The following FAM216A variants were observed in gnomAD, a reference collection of about 807,000 sequenced individuals.
FAM216A encodes protein FAM216A.
A neutral mutation model predicts 37.6 loss-of-function variants in FAM216A; 26 were observed. The ratio of observed to expected loss-of-function variants is 0.69; its 90% CI spans 0.51 to 0.96. The LOEUF is 0.96. Ranked by LOEUF, FAM216A falls within the 40% of genes least tolerant of loss-of-function variation. The probability of loss-of-function intolerance (pLI) is 0.00; values close to 1 mark genes in which losing one functional copy is unlikely to be tolerated. For missense variants in FAM216A, 326 were observed against 339.3 expected (o/e 0.96, Z 0.31); for synonymous variants, 110 against 121.7 (o/e 0.90, Z 0.64).
chr12:110,472,534 G>A (rs187514469), intron 1 of FAM216A, among the ~76,000 whole-genome samples: 12 of 152,118 alleles, frequency 7.9e-5, no homozygotes, highest in African/African-American at 2.9e-4. Flanking sequence ...ACTCTAGCCT[G>A]GGTGAAGGAG....
At chr12:110,484,884 TAG>T (rs1277226077) in intron 2 of FAM216A, among the ~76,000 whole-genome samples, 192 bp from the exon 3 acceptor site, 1 of 152,074 alleles carries the variant, frequency 6.6e-6, no homozygotes, top group East Asian at 1.9e-4. Flanking sequence ...GTATTTTTAG[TAG>T]AGACAGGGTT....
chr12:110,476,248 G>A (rs2062713850), intron 2 of FAM216A, among the ~76,000 whole-genome samples: 1 of 149,544 alleles, frequency 6.7e-6, no homozygotes, highest in Non-Finnish European at 1.5e-5. Context: ...CACCCAGGCT[G>A]GAGTCCAGTG....
At chr12:110,485,542 C>T (rs898488135) in intron 3 of FAM216A, among the ~76,000 whole-genome samples, 2 of 151,206 alleles carry the variant, frequency 1.3e-5, no homozygotes, top group Admixed American at 6.6e-5. Flanking sequence ...TCAAGGACTA[C>T]AAAATTAAGA....
At chr12:110,488,489 C>T (rs1248729364) in intron 6 of FAM216A, among the ~76,000 whole-genome samples, 1 of 151,462 alleles carries the variant, frequency 6.6e-6, no homozygotes, top group Non-Finnish European at 1.5e-5. Flanking sequence ...ATTTCTAATG[C>T]TAAAGATACT....
chr12:110,482,562 G>GC (rs2062753273), intron 2 of FAM216A, among the ~76,000 whole-genome samples: 1 of 151,128 alleles, frequency 6.6e-6, no homozygotes, highest in South Asian at 2.1e-4. Flanking sequence ...TTGGGAGGCT[G>GC]AGGCGGTCAG....
chr12:110,476,776 C>T (rs1236826494), intron 2 of FAM216A, among the ~76,000 whole-genome samples: 1 of 152,040 alleles, frequency 6.6e-6, no homozygotes, highest in Non-Finnish European at 1.5e-5. Context: ...ATTTGCCCAC[C>T]TCGGCCTCCC....
chr12:110,487,908 T>C lies in FAM216A; in HGVS notation c.668T>C (p.Ile223Thr), dbSNP rs2062785897. 1 of 1,606,832 alleles carries C rather than the reference T, an allele frequency of 6.2e-7. No homozygotes were observed. Among genetic ancestry groups the C allele is most frequent in the Non-Finnish European group, 8.5e-7 (1 of 1,175,364 alleles). Residue 223 changes from isoleucine to threonine, a missense_variant, in exon 6 of 7, where the codon ATT becomes ACT. Coordinates refer to ENST00000377673, the MANE Select transcript of FAM216A (RefSeq NM_013300.3). ...AAAACAAGATGTAAGTCACTGAAGA[T>C]TTTTAGAAGACCAAGGAAACTGTTC... is the stretch of plus-strand genomic sequence containing the variant. ...ASKTRCKSLKIFRRPRKLFMQ... is the reference protein window; with the variant it reads ...ASKTRCKSLKTFRRPRKLFMQ...
At chr12:110,478,335 A>C (rs1236469554) in intron 2 of FAM216A, among the ~76,000 whole-genome samples, 1 of 152,184 alleles carries the variant, frequency 6.6e-6, no homozygotes, top group Non-Finnish European at 1.5e-5. Flanking sequence ...TTCTCCAAAG[A>C]GCCTGTGGTA....
Position 110,469,495 on chromosome 12 carries a change from C to CT in FAM216A, c.143+486dup, listed in dbSNP as rs1257714589. On this transcript the variant is annotated intron_variant, in intron 1 of 6. Transcript: ENST00000377673. ...TCCTGTCAAACGGGGATTTCTTTTT[C>CT]TTTTTTTTTCTTTTCTTTCTTGTTT... Among the ~76,000 whole-genome samples, 12 of 151,578 alleles carry CT rather than the reference C, an allele frequency of 7.9e-5. No homozygotes were observed. In the South Asian group the frequency reaches 8.4e-4, roughly 11 times the overall value.
At chr12:110,473,037 T>C (rs2062695532) in intron 1 of FAM216A, 41 bp from the exon 2 acceptor site, 1 of 1,013,820 alleles carries the variant, frequency 9.9e-7, no homozygotes, top group South Asian at 1.5e-5. Flanking sequence ...TGTAACATTG[T>C]AATTATTACA....
At chr12:110,486,763 T>G (rs750396471) in intron 5 of FAM216A, 46 bp downstream of exon 5, 1 of 1,541,078 alleles carries the variant, frequency 6.5e-7, no homozygotes, top group Admixed American at 2.0e-5. Context: ...TCAGTTTAAT[T>G]TTTTTTTTTC....
chr12:110,482,688 G>A (rs1047627187), intron 2 of FAM216A, among the ~76,000 whole-genome samples: 10 of 151,310 alleles, frequency 6.6e-5, no homozygotes, highest in Non-Finnish European at 1.0e-4. Flanking sequence ...CCAGCTACTC[G>A]GGAGGCTGAG....
In FAM216A at chr12:110,487,889, A is replaced by G; in HGVS notation, c.649A>G (p.Arg217Gly). ...AAAAACTGGATATGCATCTAAAACA[A>G]GATGTAAGTCACTGAAGATTTTTAG... ...GIKTGYASKT[R>G]CKSLKIFRRP... is the part of the protein sequence containing the mutation. Residue 217 changes from arginine (R) to glycine (G), a missense_variant, in exon 6 of 7, where the codon AGA becomes GGA. By Grantham distance (125) the Arg-to-Gly change is moderately radical. Coordinates refer to ENST00000377673, the MANE Select transcript of FAM216A (RefSeq NM_013300.3). 1 of 1,607,296 alleles carries G rather than the reference A, an allele frequency of 6.2e-7. No individual in the cohort carries two copies. The highest frequency in any genetic ancestry group is 1.1e-5 in the South Asian group (1 of 90,452).
At chr12:110,487,788 G>T (rs1345266636) in intron 5 of FAM216A, 73 bp from the exon 6 acceptor site, 7 of 872,200 alleles carry the variant, frequency 8.0e-6, no homozygotes. Context: ...AAACAAATTT[G>T]TGTGGTCTTC....
intron 2 of FAM216A, among the ~76,000 whole-genome samples, chr12:110,477,393 C>T (rs545722722): frequency 2.6e-5 from 4 of 152,330 alleles, no homozygotes; most frequent in Admixed American, 2.6e-4. Flanking sequence ...CGCACTGTCT[C>T]CTAGGCTGGA....
At chr12:110,472,975 CAAAAAAAAAAAA>C (rs879057348) in intron 1 of FAM216A, 91 bp from the exon 2 acceptor site, 8 of 87,250 alleles carry the variant, frequency 9.2e-5, no homozygotes, top group South Asian at 1.1e-4. Flanking sequence ...GACCCTGTCT[CAAAAAAAAAAAA>C]AAAAAAAAAA....
rs773195396 is a variant in FAM216A, at chr12:110,487,930, G to C, written c.690G>C (p.Leu230=). The change falls in exon 6 of 7, where the codon CTG becomes CTC. Residue 230 remains leucine (L), a synonymous_variant. Coordinates refer to ENST00000377673, the MANE Select transcript of FAM216A (RefSeq NM_013300.3). ...AGATTTTTAGAAGACCAAGGAAACT[G>C]TTCATGCAAACAGGTAAATGTGGAA... ...SLKIFRRPRK[L]FMQTVSSDDS... 7 of 1,597,884 alleles carry C rather than the reference G, an allele frequency of 4.4e-6. No individual in the cohort carries two copies. The Admixed American group carries it at 8.5e-5, about 20-fold the overall frequency.
In FAM216A at chr12:110,469,407, G is replaced by T. The variant is rs2062665764; in HGVS notation, c.143+389G>T. Reference sequence around the variant, plus strand: ...GGGACAGAGGAGGAAGATGTCCCCCGGTTCAACTGGGGGCATCCAGGCCCA... The same window carrying T: ...GGGACAGAGGAGGAAGATGTCCCCCTGTTCAACTGGGGGCATCCAGGCCCA... On this transcript the variant is annotated intron_variant, in intron 1 of 6. Coordinates refer to ENST00000377673, the MANE Select transcript of FAM216A (RefSeq NM_013300.3). 9 of 206,876 alleles carry T rather than the reference G, an allele frequency of 4.4e-5. 1 individual carries two copies. In the East Asian group the frequency reaches 9.7e-4, roughly 22 times the overall value. 12.8% of individuals were successfully genotyped at this position (206,876 alleles called of 1,614,324 possible).
At chr12:110,478,686 C>A (rs549486246) in intron 2 of FAM216A, among the ~76,000 whole-genome samples, 11 of 152,254 alleles carry the variant, frequency 7.2e-5, no homozygotes, top group Admixed American at 5.9e-4. Context: ...CCACTACAGG[C>A]TCCAGGCACC....
Sources: gnomAD v4.1 joint callset for allele counts (sites outside exome capture counted in the v4.1 genomes callset) on GRCh38, gnomAD v4.1.1 for gene constraint, MANE v1.5 for transcripts, NCBI Gene and HGNC (gene_info 2026-07-23, HGNC 2026-07-21) for gene names.